The following DLG5 variants were observed in gnomAD, a reference collection of about 807,000 sequenced individuals.
The protein encoded by DLG5 is discs large MAGUK scaffold protein 5.
A neutral mutation model predicts 189.8 loss-of-function variants in DLG5; 48 were observed. The observed-to-expected ratio is 0.25, with a 90% CI of 0.20 to 0.32. The LOEUF is 0.32. Ranked by LOEUF, DLG5 falls within the 10% of genes least tolerant of loss-of-function variation. DLG5 has a pLI of 1.00. For synonymous variants in DLG5, 1,016 were observed against 1,054.1 expected (o/e 0.96, Z 0.70); for missense variants, 2,160 against 2,544.7 (o/e 0.85, Z 3.25).
chr10:77,815,397 C>T (rs986766710), intron 20 of DLG5, among the ~76,000 whole-genome samples: 7 of 152,168 alleles, frequency 4.6e-5, no homozygotes, highest in Non-Finnish European at 7.4e-5. Flanking sequence ...CGGTGGCTCA[C>T]GTCTGTAATC....
At chr10:77,919,973 CTATT>C (rs1846487696) in intron 1 of DLG5, among the ~76,000 whole-genome samples, 1 of 152,184 alleles carries the variant, frequency 6.6e-6, no homozygotes, top group Admixed American at 6.5e-5. Flanking sequence ...ACACAGCTGA[CTATT>C]CATTCGTTCA....
At chr10:77,839,721 C>T (rs566240997) in intron 7 of DLG5, among the ~76,000 whole-genome samples, 8 of 152,320 alleles carry the variant, frequency 5.3e-5, no homozygotes, top group Middle Eastern at 3.4e-3. Context: ...CATGAGTTCA[C>T]GGTTTTTCTA....
At chr10:77,812,160 G>A in intron 21 of DLG5, 55 bp downstream of exon 21, 1 of 1,597,922 alleles carries the variant, frequency 6.3e-7, no homozygotes, top group Non-Finnish European at 8.5e-7. Context: ...AGGAGGAGAG[G>A]GGGAAGAAGT....
intron 4 of DLG5, among the ~76,000 whole-genome samples, chr10:77,853,816 A>C (rs1371217537): frequency 6.6e-6 from 1 of 152,138 alleles, no homozygotes; most frequent in African/African-American, 2.4e-5. Context: ...AGTGCCTCCA[A>C]ATACTGGGGC....
At chr10:77,928,539 C>G (rs1449441831), upstream of DLG5, 1 of 152,402 alleles carries the variant, frequency 6.6e-6, no homozygotes, top group African/African-American at 2.4e-5. Flanking sequence ...AGATATAGTT[C>G]TTTCTGGCCG....
chr10:77,934,419 A>G, the DLG5 span, among the ~76,000 whole-genome samples: 2 of 152,126 alleles, frequency 1.3e-5, no homozygotes, highest in African/African-American at 4.8e-5. Flanking sequence ...ATAAAGTAAA[A>G]TAGGGAGAGT....
At chr10:77,861,367 T>C (rs902546911) in intron 2 of DLG5, among the ~76,000 whole-genome samples, 11 of 152,232 alleles carry the variant, frequency 7.2e-5, no homozygotes, top group Admixed American at 6.5e-4. Flanking sequence ...CCCAGTAACC[T>C]GCCTTTGGGG....
chr10:77,847,650 A>T (rs1843759202), intron 5 of DLG5, among the ~76,000 whole-genome samples: 2 of 152,146 alleles, frequency 1.3e-5, no homozygotes, highest in Non-Finnish European at 2.9e-5. Context: ...CCACATGCAC[A>T]TGCACACACG....
intron 1 of DLG5, among the ~76,000 whole-genome samples, chr10:77,889,672 G>T (rs888460611): frequency 2.6e-5 from 4 of 152,212 alleles, no homozygotes; most frequent in African/African-American, 9.6e-5. Flanking sequence ...GACCCAAGAA[G>T]GGGTTAGGCA....
At chr10:77,846,269 CA>C (rs1170036999) in intron 5 of DLG5, among the ~76,000 whole-genome samples, 1 of 152,154 alleles carries the variant, frequency 6.6e-6, no homozygotes, top group African/African-American at 2.4e-5. Context: ...AGAATGGGCT[CA>C]CCATGACTAT....
intron 20 of DLG5, among the ~76,000 whole-genome samples, chr10:77,812,689 G>C (rs756390623): frequency 6.6e-6 from 1 of 152,226 alleles, no homozygotes; most frequent in Non-Finnish European, 1.5e-5. Context: ...GAGAGGAGCT[G>C]CCCCACAATA....
At chr10:77,817,986 G>T in intron 17 of DLG5, 97 bp from the exon 18 acceptor site, 3 of 1,019,906 alleles carry the variant, frequency 2.9e-6, no homozygotes, top group Non-Finnish European at 4.3e-6. Context: ...GTTCCCAAGC[G>T]GGCAGAAGGG....
Position 77,817,798 on chromosome 10 carries a change from G to A in DLG5, c.3763C>T (p.Leu1255=). ...EMRATHGSNS[L]PSSARLGSSS... Reference sequence around the variant, plus strand: ...TTACCCAGGCGGGCGCTGGAGGGCAGTGAGTTGGACCCATGGGTGGCTCTC... The same window carrying A: ...TTACCCAGGCGGGCGCTGGAGGGCAATGAGTTGGACCCATGGGTGGCTCTC... Residue 1255 remains leucine, a synonymous_variant, in exon 18 of 32, where the codon CTG becomes TTG. Transcript: ENST00000372391. 1 of 1,555,100 alleles carries A rather than the reference G, an allele frequency of 6.4e-7. No homozygotes were observed. Among genetic ancestry groups the A allele is most frequent in the Non-Finnish European group, 8.7e-7 (1 of 1,148,710 alleles).
intron 5 of DLG5, among the ~76,000 whole-genome samples, chr10:77,852,948 C>T (rs1167757845): frequency 6.6e-6 from 1 of 152,114 alleles, no homozygotes; most frequent in East Asian, 1.9e-4. Context: ...GAAACAGTGC[C>T]AACCCAAGCT....
chr10:77,814,661 G>A (rs188081810), intron 20 of DLG5, among the ~76,000 whole-genome samples: 5,114 of 151,386 alleles, frequency 0.034, 143 homozygotes, highest in East Asian at 0.18. Flanking sequence ...TGCAACCTCC[G>A]CCTCCCGGGT....
At chr10:77,937,203 T>C in the DLG5 span, among the ~76,000 whole-genome samples, 1 of 152,088 alleles carries the variant, frequency 6.6e-6, no homozygotes, top group East Asian at 1.9e-4. Flanking sequence ...ACTGACCCTC[T>C]CTGTCCTCCA....
Position 77,821,985 on chromosome 10 carries a change from C to G in DLG5, c.2499G>C (p.Arg833=). 1 of 1,614,248 alleles carries G rather than the reference C, an allele frequency of 6.2e-7. No individual in the cohort carries two copies. Among genetic ancestry groups the G allele is most frequent in the Non-Finnish European group, 8.5e-7 (1 of 1,180,050 alleles). Residue 833 remains arginine (R), a synonymous_variant, in exon 15 of 32, where the codon CGG becomes CGC. Transcript: ENST00000372391. ...TGGAGTTATTGTGCTGTATCAAGTT[C>G]CGTTTGTTATGAGCCTGGACCTCCG... The part of the protein sequence containing the change: ...HGPEVQAHNK[R]NLIQHNNSTQ...
intron 9 of DLG5, among the ~76,000 whole-genome samples, chr10:77,832,710 A>C (rs1167227978): frequency 1.3e-5 from 2 of 152,200 alleles, no homozygotes; most frequent in Non-Finnish European, 2.9e-5. Flanking sequence ...ACACAAGCTG[A>C]ATGCACAAGC....
intron 1 of DLG5, among the ~76,000 whole-genome samples, chr10:77,894,470 CT>C (rs748064245): frequency 6.7e-6 from 1 of 148,360 alleles, no homozygotes; most frequent in Non-Finnish European, 1.5e-5. Flanking sequence ...ATTTTGTGTG[CT>C]TTTCTTTTTC....
Sources: allele counts gnomAD v4.1 joint callset (sites outside exome capture counted in the v4.1 genomes callset), GRCh38; gene constraint gnomAD v4.1.1; transcripts MANE v1.5; gene names NCBI Gene and HGNC (gene_info 2026-07-23, HGNC 2026-07-21).